Variants in MGAM2 observed in about 807,000 individuals in gnomAD.
MGAM2 encodes maltase-glucoamylase 2 (putative), also known as probable maltase-glucoamylase 2.
In MGAM2, 98 loss-of-function variants were observed where a neutral mutation model predicts 96.1. That is an observed-to-expected ratio of 1.02 (90% CI 0.87 to 1.21). MGAM2 has a LOEUF of 1.21. Among genes scored for constraint, MGAM2 ranks in the 50% most tolerant of loss-of-function variants. The pLI is 0.00. For missense variants in MGAM2, 2,055 were observed against 1,182.4 expected, an observed-to-expected ratio of 1.74 and a Z score of -10.82; for synonymous variants, 749 against 414.8, an observed-to-expected ratio of 1.81 and a Z score of -9.79.
At chr7:142,146,693 A>T (rs1035227356) in intron 14 of MGAM2, among the ~76,000 whole-genome samples, 1 of 152,032 alleles carries the variant, frequency 6.6e-6, no homozygotes, top group Non-Finnish European at 1.5e-5. Flanking sequence ...TTACACATCA[A>T]ACTGTCAAAC....
chr7:142,181,505 G>C (rs545182640), intron 32 of MGAM2, among the ~76,000 whole-genome samples: 1 of 152,210 alleles, frequency 6.6e-6, no homozygotes, highest in Non-Finnish European at 1.5e-5. Context: ...GGGTGGGGGA[G>C]ATGGGGGATC....
At chr7:142,216,303 A>G (rs551399649) in intron 46 of MGAM2, among the ~76,000 whole-genome samples, 49 of 152,256 alleles carry the variant, frequency 3.2e-4, no homozygotes, top group Admixed American at 1.1e-3. Context: ...TTTTAGTTCT[A>G]TTTCTACTGC....
rs2129089830 is a variant in MGAM2 at position 142,170,251 on chromosome 7, CT to C, written c.3182+23del. The C allele has an allele frequency of 4.3e-6, 3 of 696,174 alleles. No individual in the cohort carries two copies. In the East Asian group the frequency reaches 8.1e-5, roughly 19 times the overall value. The allele number at this position is 696,174 out of a possible 1,614,324, so 43.1% of individuals were successfully genotyped here. ...TGATGTAAGCACTATTTATTTGATT[CT>C]AATTAGAGTAGTTCTAGATTTAATT... On this transcript the variant is annotated intron_variant, in intron 27 of 47. Coordinates refer to ENST00000477922, the MANE Select transcript of MGAM2 (RefSeq NM_001293626.2).
intron 3 of MGAM2, among the ~76,000 whole-genome samples, chr7:142,129,313 G>A (rs1171935265): frequency 1.3e-5 from 2 of 152,094 alleles, no homozygotes; most frequent in East Asian, 1.9e-4. Context: ...GACTTGCCTT[G>A]TCTCAGATGA....
intron 32 of MGAM2, among the ~76,000 whole-genome samples, chr7:142,182,949 G>T (rs1342201153): frequency 6.6e-6 from 1 of 152,088 alleles, no homozygotes; most frequent in Non-Finnish European, 1.5e-5. Flanking sequence ...TACAGGTTGG[G>T]GTGGTAACTT....
chr7:142,163,113 A>G (rs757855369), intron 23 of MGAM2, among the ~76,000 whole-genome samples: 4 of 152,228 alleles, frequency 2.6e-5, no homozygotes, highest in Non-Finnish European at 5.9e-5. Flanking sequence ...GTGTGACAAC[A>G]GCTTGCTCCT....
intron 20 of MGAM2, 52 bp downstream of exon 20, chr7:142,159,395 A>G (rs1205843210): frequency 2.9e-6 from 2 of 699,226 alleles, no homozygotes; most frequent in East Asian, 5.4e-5. Context: ...GCAGAGGGCA[A>G]TTCTAAAGCA....
intron 45 of MGAM2, 25 bp from the exon 46 acceptor site, chr7:142,208,548 A>G: frequency 1.4e-6 from 1 of 701,566 alleles, no homozygotes; most frequent in Admixed American, 2.0e-5. Context: ...GTAGTTGCTT[A>G]TTCTTTTCTT....
At chr7:142,166,362 G>A (rs1488856012) in intron 25 of MGAM2, 109 bp downstream of exon 25, 7 of 559,914 alleles carry the variant, frequency 1.3e-5, no homozygotes, top group Non-Finnish European at 2.2e-5. Flanking sequence ...TGTGCAACAC[G>A]CCTTTTGCCA....
rs1056853296 is a variant in MGAM2, at chr7:142,148,696, C to G, written c.1634+1123C>G. Among the ~76,000 whole-genome samples the G allele has an allele frequency of 6.6e-6, 1 of 152,116 alleles. No individual in the cohort carries two copies. Among genetic ancestry groups the G allele is most frequent in the African/African-American group, 2.4e-5 (1 of 41,432 alleles). On this transcript the variant is annotated intron_variant, in intron 15 of 47. Transcript: ENST00000477922. The surrounding 1 kb of genome is among the most constrained non-coding windows in gnomAD (Gnocchi z 4.2). Reference sequence around the variant, plus strand: ...TTAATTTGAATTTGCAGCACAGATGCGGAAACTAAAGAGCTGCTGTGGATC... The same window carrying G: ...TTAATTTGAATTTGCAGCACAGATGGGGAAACTAAAGAGCTGCTGTGGATC...
At chr7:142,185,918 G>A (rs1436407637) in intron 34 of MGAM2, 71 bp from the exon 35 acceptor site, 2 of 665,408 alleles carry the variant, frequency 3.0e-6, no homozygotes, top group East Asian at 2.7e-5. Flanking sequence ...ACAAATTCCT[G>A]TTCATCTCCC....
intron 37 of MGAM2, among the ~76,000 whole-genome samples, chr7:142,194,810 G>C (rs968448461): frequency 6.6e-6 from 1 of 151,762 alleles, no homozygotes; most frequent in African/African-American, 2.4e-5. Context: ...ACAGTAGTCA[G>C]CTACTTTTCC....
At position 142,122,829 on chromosome 7, in the gene MGAM2, T is replaced by TTTG. The variant is rs373547630; in HGVS notation, c.186+2467_186+2469dup. ...AACTTTGAGTTCTATTAAATATGTT[T>TTTG]TTGTTGTTGTTGTTGTTGTTGGATG... On this transcript the variant is annotated intron_variant, in intron 3 of 47. Transcript: ENST00000477922. Among the ~76,000 whole-genome samples, 90 of 152,136 alleles carry TTTG rather than the reference T, an allele frequency of 5.9e-4. 2 individuals are homozygous for TTTG. In the South Asian group the frequency reaches 7.1e-3, roughly 12 times the overall value.
At chr7:142,144,335 G>A (rs1349685859) in intron 13 of MGAM2, among the ~76,000 whole-genome samples, 3 of 152,176 alleles carry the variant, frequency 2.0e-5, no homozygotes, top group African/African-American at 4.8e-5. Context: ...AGCCATTTGG[G>A]AAGCACTCTG....
Position 142,220,921 on chromosome 7 carries a change from C to T in MGAM2, c.6410C>T (p.Thr2137Ile), listed in dbSNP as rs925788008. 2.9e-6 allele frequency: 2 copies of T among 701,552 alleles called. No homozygotes were observed. The highest frequency in any genetic ancestry group is 3.5e-5 in the African/African-American group (2 of 57,072). 43.5% of individuals were successfully genotyped at this position (701,552 alleles called of 1,614,324 possible). ...ACTACTGATGTTAGCACTAGTACTA[C>T]TATTAATAATATAAGTACTCCTGTT... ...TGTTDVSTST[T>I]INNISTPVQT... The change falls in exon 48 of 48, where the codon ACT (threonine) becomes ATT (isoleucine). Residue 2137 changes from threonine (T) to isoleucine (I), a missense_variant. Transcript: ENST00000477922.
chr7:142,132,454 TA>T (rs1462408555), intron 6 of MGAM2, among the ~76,000 whole-genome samples: 3 of 140,474 alleles, frequency 2.1e-5, no homozygotes, highest in Non-Finnish European at 1.5e-5. Context: ...ATATTATAAT[TA>T]TATTTAAATT....
intron 7 of MGAM2, 102 bp from the exon 8 acceptor site, chr7:142,136,439 T>C (rs930803300): frequency 2.1e-6 from 1 of 473,510 alleles, no homozygotes; most frequent in African/African-American, 2.0e-5. Context: ...ACATGAAGTG[T>C]TGACCAAGTA....
chr7:142,166,339 A>G, intron 25 of MGAM2, 86 bp downstream of exon 25: 1 of 596,140 alleles, frequency 1.7e-6, no homozygotes, highest in Non-Finnish European at 3.0e-6. Context: ...TGGCTTGAAG[A>G]AAACCAGGAC....
intron 32 of MGAM2, among the ~76,000 whole-genome samples, chr7:142,180,452 T>C (rs548409400): frequency 1.7e-4 from 26 of 152,280 alleles, no homozygotes; most frequent in Admixed American, 1.6e-3. Context: ...GATTGTTAAT[T>C]TGAGATCTTT....
Sources: gnomAD v4.1 joint callset for allele counts (sites outside exome capture counted in the v4.1 genomes callset) on GRCh38, gnomAD v4.1.1 for gene constraint, Gnocchi (gnomAD v3.1) non-coding constraint, MANE v1.5 for transcripts, NCBI Gene and HGNC (gene_info 2026-07-23, HGNC 2026-07-21) for gene names.